The following ZFYVE19 variants were observed in gnomAD, a reference collection of about 807,000 sequenced individuals.
ZFYVE19 encodes zinc finger FYVE-type containing 19.
In ZFYVE19, 49 loss-of-function variants were observed where a neutral mutation model predicts 62.8. The observed-to-expected ratio is 0.78, with a 90% CI of 0.62 to 0.99. ZFYVE19 has a LOEUF of 0.99. Among genes scored for constraint, ZFYVE19 ranks in the 50% least tolerant of loss-of-function variants. The probability of loss-of-function intolerance (pLI) is 0.00; values close to 1 mark genes in which losing one functional copy is unlikely to be tolerated. For synonymous variants in ZFYVE19, 242 were observed against 234.3 expected (o/e 1.03, Z -0.30); for missense variants, 630 against 601.9 (o/e 1.05, Z -0.49).
At chr15:40,809,316 C>CT (rs1396853958) in intron 2 of ZFYVE19, 76 bp downstream of exon 2, 1 of 1,613,398 alleles carries the variant, frequency 6.2e-7, no homozygotes, top group Non-Finnish European at 8.5e-7. Context: ...GCTTTGTACT[C>CT]TGTCGCGAGA....
chr15:40,809,484 A>G (rs1453094800), intron 3 of ZFYVE19, 26 bp downstream of exon 3: 24 of 1,613,234 alleles, frequency 1.5e-5, no homozygotes, highest in Non-Finnish European at 2.0e-5. Flanking sequence ...AAAAAGACAA[A>G]GAGCATTGGG....
rs747747573 is a variant in ZFYVE19, at chr15:40,807,430, T to G, written c.-160T>G. 6.2e-7 allele frequency: 1 copy of G among 1,614,252 alleles called. No homozygotes were observed. Among genetic ancestry groups the G allele is most frequent in the South Asian group, 1.1e-5 (1 of 91,088 alleles). On this transcript the variant is annotated 5_prime_UTR_variant, in exon 1 of 11. Coordinates refer to ENST00000355341, the MANE Select transcript of ZFYVE19 (RefSeq NM_001077268.2). ...CGCGTACAGGTCCATCTGTAAGAGCTCCTTGGTCACTGCCATGGTTCCGGC... is the reference window on the plus strand; with the variant it reads ...CGCGTACAGGTCCATCTGTAAGAGCGCCTTGGTCACTGCCATGGTTCCGGC...
At position 40,807,803 on chromosome 15, in the gene ZFYVE19, C is replaced by G. The variant is rs116166434; in HGVS notation, c.214C>G (p.Leu72Val). 12,185 of 1,556,428 alleles carry G rather than the reference C, an allele frequency of 7.8e-3. 783 individuals carry two copies. In the African/African-American group the frequency reaches 0.14, roughly 18 times the overall value. The change falls in exon 1 of 11, where the codon CTG becomes GTG. Residue 72 changes from leucine to valine, a missense_variant. Physicochemically the swap from Leu to Val is conservative, Grantham distance 32 (BLOSUM62 1). Transcript: ENST00000355341. ...RDLSSADPAV[L>V]GATMESRCYG... The stretch of plus-strand genomic sequence containing the variant: ...TCTCAGCTCTGCAGACCCTGCGGTG[C>G]TGGGAGCCACCATGGAGAGTAGGTG...
intron 7 of ZFYVE19, 95 bp from the exon 8 acceptor site, chr15:40,813,243 A>C: frequency 8.1e-7 from 1 of 1,236,628 alleles, no homozygotes; most frequent in Non-Finnish European, 1.2e-6. Context: ...GCCCCTGGGA[A>C]CCGAACCAGT....
At chr15:40,808,433 A>C in intron 1 of ZFYVE19, 1 of 1,582,422 alleles carries the variant, frequency 6.3e-7, no homozygotes, top group Non-Finnish European at 8.6e-7. Context: ...GATGGGAACT[A>C]GATGGAGTAA....
chr15:40,811,339 A>C (rs1596116876), intron 6 of ZFYVE19, among the ~76,000 whole-genome samples: 1 of 152,250 alleles, frequency 6.6e-6, no homozygotes, highest in South Asian at 2.1e-4. Context: ...GCTTCAGAGC[A>C]GTGGTTTTCA....
intron 1 of ZFYVE19, chr15:40,808,302 G>A (rs1455935003): frequency 6.3e-7 from 1 of 1,597,716 alleles, no homozygotes; most frequent in East Asian, 2.2e-5. Context: ...ACTTCCTCCT[G>A]CTTCCGGGGC....
Position 40,812,853 on chromosome 15 carries a change from G to A in ZFYVE19, c.981G>A (p.Leu327=), listed in dbSNP as rs1471013848. Reference sequence around the variant, plus strand: ...AGAACACGAGGCAGGAACGGATTCTGGCCCTGGCCAAGCGACTAGCCATGC... The same window carrying A: ...AGAACACGAGGCAGGAACGGATTCTAGCCCTGGCCAAGCGACTAGCCATGC... The part of the protein sequence containing the change: ...REENTRQERI[L]ALAKRLAMLR... Residue 327 remains leucine (L), a synonymous_variant, in exon 7 of 11, where the codon CTG becomes CTA. Coordinates refer to ENST00000355341, the MANE Select transcript of ZFYVE19 (RefSeq NM_001077268.2). 6 of 1,613,358 alleles carry A rather than the reference G, an allele frequency of 3.7e-6. No homozygotes were observed. Among genetic ancestry groups the A allele is most frequent in the Non-Finnish European group, 8.5e-7 (1 of 1,180,008 alleles).
At position 40,812,851 on chromosome 15, in the gene ZFYVE19, C is replaced by T. The variant is rs769306168; in HGVS notation, c.979C>T (p.Leu327=). The part of the protein sequence containing the change: ...REENTRQERI[L]ALAKRLAMLR... ...GGAGAACACGAGGCAGGAACGGATT[C>T]TGGCCCTGGCCAAGCGACTAGCCAT... The change falls in exon 7 of 11, where the codon CTG becomes TTG. Residue 327 remains leucine (L), a synonymous_variant. Coordinates refer to ENST00000355341, the MANE Select transcript of ZFYVE19 (RefSeq NM_001077268.2). 1.9e-6 allele frequency: 3 copies of T among 1,613,490 alleles called. No homozygotes were observed. The highest frequency in any genetic ancestry group is 2.2e-5 in the East Asian group (1 of 44,878).
Position 40,812,841 on chromosome 15 carries a change from G to C in ZFYVE19, c.969G>C (p.Gln323His), listed in dbSNP as rs965399102. Residue 323 changes from glutamine (Q) to histidine (H), a missense_variant, in exon 7 of 11, where the codon CAG (glutamine) becomes CAC (histidine). Transcript: ENST00000355341. The part of the protein sequence containing the change: ...ALELREENTR[Q>H]ERILALAKRL... Reference sequence around the variant, plus strand: ...AGTTGCGGGAGGAGAACACGAGGCAGGAACGGATTCTGGCCCTGGCCAAGC... The same window carrying C: ...AGTTGCGGGAGGAGAACACGAGGCACGAACGGATTCTGGCCCTGGCCAAGC... 5.6e-6 allele frequency: 9 copies of C among 1,613,712 alleles called. No individual in the cohort carries two copies. The highest frequency in any genetic ancestry group is 7.6e-6 in the Non-Finnish European group (9 of 1,180,026).
Position 40,807,514 on chromosome 15 carries a change from C to T in ZFYVE19, c.-76C>T, listed in dbSNP as rs1179136974. The T allele has an allele frequency of 6.2e-7, 1 of 1,607,678 alleles. No individual in the cohort carries two copies. Among genetic ancestry groups the T allele is most frequent in the Non-Finnish European group, 8.5e-7 (1 of 1,175,616 alleles). On this transcript the variant is annotated 5_prime_UTR_variant, in exon 1 of 11. Transcript: ENST00000355341. Reference sequence around the variant, plus strand: ...AAGCGCGCGTGAGGACTGCAGGCTCCGAGCGGCGCCTAGCCCTCTGGGAAT... The same window carrying T: ...AAGCGCGCGTGAGGACTGCAGGCTCTGAGCGGCGCCTAGCCCTCTGGGAAT...
At chr15:40,809,064 G>A in intron 1 of ZFYVE19, 55 bp from the exon 2 acceptor site, 3 of 1,602,518 alleles carry the variant, frequency 1.9e-6, no homozygotes, top group South Asian at 1.1e-5. Context: ...GAGTCCCTGG[G>A]AGCAGCCTGC....
chr15:40,812,658 C>A, intron 6 of ZFYVE19, 41 bp from the exon 7 acceptor site: 1 of 1,534,714 alleles, frequency 6.5e-7, no homozygotes. Flanking sequence ...AGGAGAGATA[C>A]TGGGATGTCT....
intron 5 of ZFYVE19, 140 bp downstream of exon 5, chr15:40,810,356 G>T (rs1185643563): frequency 1.4e-6 from 2 of 1,402,970 alleles, no homozygotes; most frequent in African/African-American, 2.9e-5. Context: ...AGTTACTTTT[G>T]CACCAACCTT....
intron 7 of ZFYVE19, 64 bp downstream of exon 7, chr15:40,812,966 G>A (rs1890543701): frequency 1.3e-6 from 2 of 1,567,158 alleles, no homozygotes; most frequent in Admixed American, 3.4e-5. Flanking sequence ...GCAGGGCTGA[G>A]TCAGGTGCTG....
Position 40,807,644 on chromosome 15 carries a change from A to G in ZFYVE19, c.55A>G (p.Arg19Gly), listed in dbSNP as rs1890291960. The G allele has an allele frequency of 6.2e-7, 1 of 1,612,884 alleles. No homozygotes were observed. The highest frequency in any genetic ancestry group is 8.5e-7 in the Non-Finnish European group (1 of 1,179,814). ...GCCGCCGCTGCCGTACGCTGGCTGC[A>G]GGAGAGCGTCCGGATTCCCTGCTCT... ...PLPPLPYAGC[R>G]RASGFPALGR... Residue 19 changes from arginine to glycine, a missense_variant, in exon 1 of 11, where the codon AGG becomes GGG. Coordinates refer to ENST00000355341, the MANE Select transcript of ZFYVE19 (RefSeq NM_001077268.2).
rs746813302 is a variant in ZFYVE19, at chr15:40,813,852, G to A, written c.1209+41G>A. 8.1e-6 allele frequency: 13 copies of A among 1,601,322 alleles called. 1 individual carries two copies. The highest frequency in any genetic ancestry group is 1.0e-5 in the Non-Finnish European group (12 of 1,173,550). On this transcript the variant is annotated intron_variant, in intron 9 of 10. Transcript: ENST00000355341. ...GATGCAGACCCCCAGGCTCCCCCCA[G>A]CCTTGCTTCCTGCCTGGCTGACTGC...
chr15:40,808,196 G>A (rs1890338901), intron 1 of ZFYVE19: 1 of 1,566,602 alleles, frequency 6.4e-7, no homozygotes, highest in Non-Finnish European at 8.6e-7. Flanking sequence ...TCCGAAGCGC[G>A]GTGTCCATCA....
At chr15:40,810,872 T>A (rs1429532769) in intron 6 of ZFYVE19, 115 bp downstream of exon 6, 14 of 1,353,460 alleles carry the variant, frequency 1.0e-5, no homozygotes, top group Non-Finnish European at 1.3e-5. Context: ...ATCAACGTTA[T>A]AAGAGTTACC....
Sources: allele counts gnomAD v4.1 joint callset (sites outside exome capture counted in the v4.1 genomes callset), GRCh38; gene constraint gnomAD v4.1.1; transcripts MANE v1.5; gene names NCBI Gene and HGNC (gene_info 2026-07-23, HGNC 2026-07-21).